EXOC4: variants seen among roughly 807,000 people sequenced by gnomAD.
EXOC4 encodes exocyst complex component 4.
In EXOC4, 71 loss-of-function variants were observed where a neutral mutation model predicts 107.2. The ratio of observed to expected loss-of-function variants is 0.66; its 90% CI spans 0.55 to 0.81. EXOC4 has a LOEUF of 0.81. EXOC4 is among the 30% of genes least tolerant of loss of function. The pLI is 0.00. For missense variants in EXOC4, 1,108 were observed against 1,189.6 expected (o/e 0.93, Z 1.01); for synonymous variants, 456 against 441.2 (o/e 1.03, Z -0.42).
At chr7:133,995,656 C>T (rs140616572) in intron 14 of EXOC4, among the ~76,000 whole-genome samples, 8 of 152,296 alleles carry the variant, frequency 5.3e-5, no homozygotes, top group South Asian at 2.1e-4. Context: ...AATTTAAAAT[C>T]TACATTGCTA....
chr7:133,879,342 T>A (rs1798916358), intron 11 of EXOC4, among the ~76,000 whole-genome samples: 1 of 152,040 alleles, frequency 6.6e-6, no homozygotes, highest in South Asian at 2.1e-4. Context: ...CAACTCTCCG[T>A]GTCGGCCTCC....
At chr7:133,354,393 A>G (rs1431007505) in intron 5 of EXOC4, among the ~76,000 whole-genome samples, 1 of 152,186 alleles carries the variant, frequency 6.6e-6, no homozygotes, top group Non-Finnish European at 1.5e-5. Flanking sequence ...ATCTCCTCAA[A>G]TAAAGCTTTT....
intron 5 of EXOC4, among the ~76,000 whole-genome samples, chr7:133,319,532 C>G (rs865841484): frequency 6.6e-6 from 1 of 152,038 alleles, no homozygotes; most frequent in Non-Finnish European, 1.5e-5. Flanking sequence ...TCTTGTGGCC[C>G]GAGCTGGAGT....
At chr7:133,888,983 GATT>G (rs1799146795) in intron 11 of EXOC4, among the ~76,000 whole-genome samples, 1 of 152,220 alleles carries the variant, frequency 6.6e-6, no homozygotes, top group Non-Finnish European at 1.5e-5. Context: ...TGATTATCAT[GATT>G]ATTATGTGAG....
At position 133,993,992 on chromosome 7, in the gene EXOC4, A is replaced by C. The variant is rs542628776; in HGVS notation, c.2207-3500A>C. ...TGGAGTGAGCAAGGGAGAGAATGGA[A>C]CTGGAAGTAACTGTTGGTTCGCCAA... On this transcript the variant is annotated intron_variant, in intron 14 of 17. Transcript: ENST00000253861. Among the ~76,000 whole-genome samples the C allele has an allele frequency of 5.3e-5, 8 of 152,354 alleles. No individual in the cohort carries two copies. In the East Asian group the frequency reaches 1.5e-3, roughly 29 times the overall value.
chr7:133,885,660 C>T (rs1036801775), intron 11 of EXOC4, among the ~76,000 whole-genome samples: 2 of 152,064 alleles, frequency 1.3e-5, no homozygotes, highest in African/African-American at 4.8e-5. Flanking sequence ...TAAATCAGAG[C>T]AGGTAACCCT....
At position 134,053,523 on chromosome 7, in the gene EXOC4, T is replaced by C. The variant is rs534788800; in HGVS notation, c.2688-10768T>C. Among the ~76,000 whole-genome samples the C allele has an allele frequency of 2.0e-4, 31 of 151,392 alleles. No individual in the cohort carries two copies. In the South Asian group the frequency reaches 2.5e-3, roughly 12 times the overall value. On this transcript the variant is annotated intron_variant, in intron 17 of 17. Transcript: ENST00000253861. The stretch of plus-strand genomic sequence containing the variant: ...GCAACTGGCTCCCGAGTCCATGATC[T>C]TAACCATTGTATATGCTGATGAAAG...
chr7:133,627,006 A>C (rs1271054413), intron 9 of EXOC4, among the ~76,000 whole-genome samples: 1 of 152,194 alleles, frequency 6.6e-6, no homozygotes, highest in Admixed American at 6.5e-5. Flanking sequence ...CATTTTAGCA[A>C]GTTAGGTCTT....
intron 10 of EXOC4, among the ~76,000 whole-genome samples, chr7:133,737,935 G>A (rs1258549344): frequency 2.7e-5 from 1 of 37,642 alleles, no homozygotes; most frequent in Admixed American, 4.3e-4. Flanking sequence ...TTTTTGAGAC[G>A]GGGTCTTGCT....
At position 134,064,968 on chromosome 7, in the gene EXOC4, G is replaced by C. The variant is rs1044243832; in HGVS notation, c.*440G>C. ...TAAACAGTAGGGTTTTTCCTCTCCT[G>C]ACCTTATCCGTTTACAGTTCAATGA... is the stretch of plus-strand genomic sequence containing the variant. On this transcript the variant is annotated 3_prime_UTR_variant, in exon 18 of 18. Coordinates refer to ENST00000253861, the MANE Select transcript of EXOC4 (RefSeq NM_021807.4). 1.3e-5 allele frequency: 2 copies of C among 152,670 alleles called. No individual in the cohort carries two copies. Among genetic ancestry groups the C allele is most frequent in the Non-Finnish European group, 2.9e-5 (2 of 68,140 alleles). 9.5% of individuals were successfully genotyped at this position (152,670 alleles called of 1,614,324 possible).
intron 12 of EXOC4, among the ~76,000 whole-genome samples, chr7:133,899,554 C>G (rs1237712432): frequency 1.3e-5 from 2 of 152,136 alleles, no homozygotes; most frequent in African/African-American, 4.8e-5. Context: ...TATGAATGCC[C>G]TTGAAATATA....
At chr7:133,844,120 G>GT (rs1265679640) in intron 11 of EXOC4, among the ~76,000 whole-genome samples, 2 of 151,932 alleles carry the variant, frequency 1.3e-5, no homozygotes, top group African/African-American at 2.4e-5. Flanking sequence ...TTGGCCTTAA[G>GT]TTTTTTTGTT....
intron 1 of EXOC4, among the ~76,000 whole-genome samples, chr7:133,254,981 A>G (rs1794981855): frequency 6.6e-6 from 1 of 152,104 alleles, no homozygotes; most frequent in Non-Finnish European, 1.5e-5. Flanking sequence ...AATTCAGAAC[A>G]TACATTGCCT....
chr7:133,442,874 T>C (rs1798135132), intron 7 of EXOC4, among the ~76,000 whole-genome samples: 6 of 152,200 alleles, frequency 3.9e-5, no homozygotes, highest in Admixed American at 3.3e-4. Context: ...TGAATCTGTT[T>C]TTAAATACAT....
At chr7:133,329,759 A>G (rs1234244372) in intron 5 of EXOC4, among the ~76,000 whole-genome samples, 1 of 152,218 alleles carries the variant, frequency 6.6e-6, no homozygotes, top group African/African-American at 2.4e-5. Context: ...CAGAGGCTAC[A>G]GAACAGCAAA....
chr7:133,318,823 A>G (rs1366941469), intron 5 of EXOC4, among the ~76,000 whole-genome samples: 2 of 152,192 alleles, frequency 1.3e-5, no homozygotes, highest in African/African-American at 2.4e-5. Context: ...CCTTTGTTTA[A>G]TTAGTAGCCA....
intron 7 of EXOC4, among the ~76,000 whole-genome samples, chr7:133,395,106 T>C (rs1375658864): frequency 6.7e-6 from 1 of 148,942 alleles, no homozygotes; most frequent in Non-Finnish European, 1.5e-5. Context: ...GCAATACTTT[T>C]GCCTTTTTTT....
chr7:134,001,690 T>C (rs1214540438), intron 15 of EXOC4, among the ~76,000 whole-genome samples: 1 of 152,176 alleles, frequency 6.6e-6, no homozygotes, highest in African/African-American at 2.4e-5. Flanking sequence ...CAGGTCTGAT[T>C]ATATTATTCA....
chr7:133,436,048 G>GTTT lies in EXOC4; in HGVS notation c.1183-39269_1183-39267dup, dbSNP rs5887624. Among the ~76,000 whole-genome samples the GTTT allele has an allele frequency of 8.1e-3, 1,163 of 142,722 alleles. 18 individuals carry two copies. The highest frequency in any genetic ancestry group is 0.028 in the African/African-American group (1,094 of 38,444). 93.6% of individuals were successfully genotyped at this position (142,722 alleles called of 152,430 possible). A position where few individuals can be genotyped will look rare whatever the true frequency, so the allele number is the denominator to read the frequency against. ...GGGAAAGAATTTGAATTATCTCAGT[G>GTTT]TTTTTTTTTTTTTGTTTTTTTAAAG... On this transcript the variant is annotated intron_variant, in intron 7 of 17. Transcript: ENST00000253861.
Sources: allele counts gnomAD v4.1 joint callset (sites outside exome capture counted in the v4.1 genomes callset), GRCh38; gene constraint gnomAD v4.1.1; transcripts MANE v1.5; gene names NCBI Gene and HGNC (gene_info 2026-07-23, HGNC 2026-07-21).